LRRIQ1: variants seen among roughly 807,000 people sequenced by gnomAD.
LRRIQ1 encodes the protein leucine-rich repeat- and IQ domain-containing protein 1.
Under a neutral mutation model 211.9 loss-of-function variants are expected in LRRIQ1, and 210 were observed. The ratio of observed to expected loss-of-function variants is 0.99; its 90% confidence interval spans 0.89 to 1.11. LRRIQ1 has a LOEUF of 1.11. LRRIQ1 is among the 50% of genes most tolerant of loss of function. The pLI is 0.00. For synonymous variants in LRRIQ1, 699 were observed against 650.1 expected (o/e 1.08, Z -1.14); for missense variants, 2,136 against 1,939.5 (o/e 1.10, Z -1.90).
intron 24 of LRRIQ1, among the ~76,000 whole-genome samples, chr12:85,198,017 ATAT>A (rs1231497864): frequency 8.5e-5 from 5 of 58,846 alleles, no homozygotes; most frequent in Non-Finnish European, 1.7e-4. Context: ...ATAATATATT[ATAT>A]TATTATATAT....
chr12:85,125,207 T>A (rs893388750), intron 17 of LRRIQ1, among the ~76,000 whole-genome samples: 25 of 151,882 alleles, frequency 1.6e-4, no homozygotes, highest in African/African-American at 2.7e-4. Context: ...AAAATAAAAA[T>A]ATATATATAC....
At chr12:85,142,816 G>A (rs1311981663) in intron 19 of LRRIQ1, among the ~76,000 whole-genome samples, 1 of 151,498 alleles carries the variant, frequency 6.6e-6, no homozygotes, top group East Asian at 1.9e-4. Flanking sequence ...CTTTTTTATG[G>A]ATGGATAATT....
intron 24 of LRRIQ1, among the ~76,000 whole-genome samples, chr12:85,176,294 T>A (rs930513795): frequency 1.3e-5 from 2 of 152,062 alleles, no homozygotes; most frequent in African/African-American, 4.8e-5. Flanking sequence ...CACTCATGAT[T>A]TGGCTCTCTG....
intron 24 of LRRIQ1, among the ~76,000 whole-genome samples, chr12:85,195,746 T>C (rs1892869826): frequency 6.6e-6 from 1 of 152,050 alleles, no homozygotes; most frequent in Non-Finnish European, 1.5e-5. Flanking sequence ...ACTGGAAGCA[T>C]TCCCTTTGAA....
intron 15 of LRRIQ1, among the ~76,000 whole-genome samples, chr12:85,116,797 A>G (rs979713156): frequency 1.3e-5 from 2 of 152,040 alleles, no homozygotes; most frequent in African/African-American, 4.8e-5. Context: ...AAAAGTGAGA[A>G]CATGTAGTAT....
At chr12:85,070,212 C>T (rs907575425) in intron 10 of LRRIQ1, among the ~76,000 whole-genome samples, 2 of 151,866 alleles carry the variant, frequency 1.3e-5, no homozygotes, top group Non-Finnish European at 2.9e-5. Context: ...TGATTGCATC[C>T]GCAGTCATAC....
At chr12:85,044,678 CT>C (rs1565781085) in intron 3 of LRRIQ1, 39 bp from the exon 4 acceptor site, 17 of 1,042,840 alleles carry the variant, frequency 1.6e-5, no homozygotes, top group Non-Finnish European at 2.3e-5. Flanking sequence ...TTGTATTGTA[CT>C]CTAATATTGG....
At chr12:85,216,001 C>T (rs1894060171) in intron 24 of LRRIQ1, among the ~76,000 whole-genome samples, 1 of 152,022 alleles carries the variant, frequency 6.6e-6, no homozygotes, top group South Asian at 2.1e-4. Context: ...ATAGTAGTTG[C>T]CCTTAAGAGA....
chr12:85,051,460 TA>T (rs1449133081), intron 6 of LRRIQ1, among the ~76,000 whole-genome samples: 3 of 152,226 alleles, frequency 2.0e-5, no homozygotes, highest in Non-Finnish European at 4.4e-5. Flanking sequence ...ATGATTTTCA[TA>T]AAAACAGTGA....
intron 19 of LRRIQ1, among the ~76,000 whole-genome samples, chr12:85,145,833 A>G (rs1168997369): frequency 1.3e-5 from 2 of 151,754 alleles, no homozygotes; most frequent in East Asian, 1.9e-4. Flanking sequence ...AGTTTTATGA[A>G]CATCTTTGGA....
intron 24 of LRRIQ1, among the ~76,000 whole-genome samples, chr12:85,200,306 T>C (rs79692634): frequency 0.02 from 3,039 of 152,256 alleles, 98 homozygotes; most frequent in African/African-American, 0.07. Context: ...CTGAATTTTG[T>C]ACATTGATTT....
chr12:85,067,047 T>TACTTTTA, intron 10 of LRRIQ1, 149 bp downstream of exon 10: 1 of 454,928 alleles, frequency 2.2e-6, no homozygotes, highest in Non-Finnish European at 3.7e-6. Flanking sequence ...AAAATAAAAT[T>TACTTTTA]ACTTTTAATG....
intron 5 of LRRIQ1, 131 bp from the exon 6 acceptor site, chr12:85,047,116 C>G (rs544043386): frequency 1.0e-5 from 6 of 586,080 alleles, no homozygotes; most frequent in Non-Finnish European, 1.7e-5. Flanking sequence ...CAAACCTGCA[C>G]GTTGTGCACA....
Position 85,152,332 on chromosome 12 carries a change from A to G in LRRIQ1, c.4382A>G (p.Gln1461Arg). 2 of 1,611,596 alleles carry G rather than the reference A, an allele frequency of 1.2e-6. No homozygotes were observed. The highest frequency in any genetic ancestry group is 8.5e-7 in the Non-Finnish European group (1 of 1,178,424). ...TTAGATTCCACCCGCTTCCCTTCACAAACACTGCTTCTTTCAAACCAGCTG... is the reference window on the plus strand; with the variant it reads ...TTAGATTCCACCCGCTTCCCTTCACGAACACTGCTTCTTTCAAACCAGCTG... Reference protein sequence around the residue: ...LALDSTRFPSQTLLLSNQLHW... With the variant: ...LALDSTRFPSRTLLLSNQLHW... The change falls in exon 20 of 27, where the codon CAA (glutamine) becomes CGA (arginine). Residue 1461 changes from glutamine (Q) to arginine (R), a missense_variant. Coordinates refer to ENST00000393217, the MANE Select transcript of LRRIQ1 (RefSeq NM_001079910.2).
chr12:85,179,235 CTCTA>C (rs1432114496), intron 24 of LRRIQ1, among the ~76,000 whole-genome samples: 5 of 151,870 alleles, frequency 3.3e-5, no homozygotes, highest in East Asian at 1.9e-4. Flanking sequence ...TAATTCTGTT[CTCTA>C]TCTTTCTCTC....
intron 11 of LRRIQ1, among the ~76,000 whole-genome samples, chr12:85,097,407 C>A (rs753698293): frequency 1.1e-4 from 17 of 151,802 alleles, no homozygotes; most frequent in Admixed American, 6.6e-5. Flanking sequence ...TGCCCTCCCC[C>A]CTCACCCCAC....
intron 23 of LRRIQ1, among the ~76,000 whole-genome samples, chr12:85,159,279 T>G (rs972722811): frequency 1.1e-4 from 16 of 152,038 alleles, no homozygotes; most frequent in Admixed American, 2.6e-4. Context: ...TGCACTGTGT[T>G]AAATGAAATG....
intron 9 of LRRIQ1, 102 bp downstream of exon 9, chr12:85,065,516 T>C: frequency 1.1e-6 from 1 of 920,580 alleles, no homozygotes; most frequent in Non-Finnish European, 1.5e-6. Context: ...ATTACTAAAC[T>C]AACCTGTAAC....
intron 21 of LRRIQ1, 107 bp downstream of exon 21, chr12:85,153,252 G>C: frequency 8.9e-7 from 1 of 1,122,164 alleles, no homozygotes; most frequent in Non-Finnish European, 1.3e-6. Flanking sequence ...TACTTGTTTA[G>C]GAAACAGAAT....
Sources: allele counts gnomAD v4.1 joint callset (sites outside exome capture counted in the v4.1 genomes callset), GRCh38; gene constraint gnomAD v4.1.1; transcripts MANE v1.5; gene names NCBI Gene and HGNC (gene_info 2026-07-23, HGNC 2026-07-21).